KCNK2: variants seen among roughly 807,000 people sequenced by gnomAD.
KCNK2 encodes potassium channel subfamily K member 2.
In KCNK2, 21 loss-of-function variants were observed where a neutral mutation model predicts 40.5. The observed-to-expected ratio is 0.52, with a 90% CI of 0.37 to 0.75. The LOEUF (loss-of-function observed/expected upper bound fraction) is 0.75. KCNK2 is among the 30% of genes least tolerant of loss of function. The pLI, the probability that KCNK2 is intolerant of heterozygous loss-of-function variation, is 0.00. For synonymous variants in KCNK2, 191 were observed against 202.2 expected, an observed-to-expected ratio of 0.94 and a Z score of 0.47; for missense variants, 399 against 531.6, an observed-to-expected ratio of 0.75 and a Z score of 2.45.
At chr1:215,208,833 T>C (rs1395315664) in intron 6 of KCNK2, among the ~76,000 whole-genome samples, 1 of 152,004 alleles carries the variant, frequency 6.6e-6, no homozygotes, top group East Asian at 1.9e-4. Context: ...TGCCTATTCT[T>C]CTGTTTTGTT....
At chr1:215,044,795 A>ACGTGTG (rs1553257249) in intron 1 of KCNK2, among the ~76,000 whole-genome samples, 6 of 145,718 alleles carry the variant, frequency 4.1e-5, no homozygotes, top group Non-Finnish European at 6.0e-5. Context: ...GGATAAGTGT[A>ACGTGTG]TGTGTGTGTG....
chr1:215,222,264 A>C (rs1666211213), intron 6 of KCNK2, among the ~76,000 whole-genome samples: 1 of 151,640 alleles, frequency 6.6e-6, no homozygotes, highest in Non-Finnish European at 1.5e-5. Context: ...TTTACAATGC[A>C]ATCGTGTAAT....
intron 3 of KCNK2, among the ~76,000 whole-genome samples, chr1:215,168,981 T>C (rs1163536429): frequency 6.6e-6 from 1 of 152,166 alleles, no homozygotes; most frequent in Non-Finnish European, 1.5e-5. Context: ...CACAGTTTAA[T>C]TGGAATATTA....
At chr1:215,056,636 G>C (rs1231388587) in intron 1 of KCNK2, among the ~76,000 whole-genome samples, 1 of 21,624 alleles carries the variant, frequency 4.6e-5, no homozygotes, top group Non-Finnish European at 9.2e-5. Context: ...TTTTTTTTTT[G>C]GTAGTGATGG....
chr1:215,045,072 T>G (rs932486200), intron 1 of KCNK2, among the ~76,000 whole-genome samples: 2 of 151,858 alleles, frequency 1.3e-5, no homozygotes, highest in African/African-American at 4.8e-5. Context: ...AGTCCCAGCT[T>G]ACTCCTGAGG....
upstream of KCNK2, among the ~76,000 whole-genome samples, chr1:215,077,970 T>C (rs1659005604): frequency 6.6e-6 from 1 of 152,214 alleles, no homozygotes; most frequent in African/African-American, 2.4e-5. Flanking sequence ...CTCATACCTG[T>C]GCAATTGTGT....
chr1:215,069,279 G>A (rs903944554), intron 1 of KCNK2, among the ~76,000 whole-genome samples: 1 of 152,150 alleles, frequency 6.6e-6, no homozygotes, highest in African/African-American at 2.4e-5. Flanking sequence ...TCCCACATCA[G>A]GGTGTCTAGC....
At position 215,057,041 on chromosome 1, in the gene KCNK2, T is replaced by C. The variant is rs181786042; in HGVS notation, c.35-29327T>C. ...AGCTAAGAGTGAGTTTGTGTAAGTT[T>C]ATTACTTTGCCTTTTCATTCTTTTT... On this transcript the variant is annotated intron_variant, in intron 1 of 6. Coordinates refer to the KCNK2 transcript ENST00000391895. Among the ~76,000 whole-genome samples, 16 of 152,320 alleles carry C rather than the reference T, an allele frequency of 1.1e-4. No homozygotes were observed. In the East Asian group the frequency reaches 3.1e-3, roughly 29 times the overall value.
At chr1:215,013,537 C>T (rs1656481836) in intron 1 of KCNK2, among the ~76,000 whole-genome samples, 1 of 152,132 alleles carries the variant, frequency 6.6e-6, no homozygotes, top group Non-Finnish European at 1.5e-5. Context: ...CTAAACGATA[C>T]TGAGCCTTCC....
At chr1:215,229,831 G>A (rs776774217) in intron 6 of KCNK2, among the ~76,000 whole-genome samples, 3 of 151,632 alleles carry the variant, frequency 2.0e-5, no homozygotes, top group Admixed American at 6.6e-5. Flanking sequence ...AATGTAACCC[G>A]CTATAGGGTA....
intron 1 of KCNK2, among the ~76,000 whole-genome samples, chr1:215,008,347 C>A (rs987031575): frequency 2.0e-5 from 3 of 152,110 alleles, no homozygotes; most frequent in Non-Finnish European, 1.5e-5. Context: ...ATTTCTATAG[C>A]CAGAGCCATC....
At chr1:215,214,197 G>A (rs12036046) in intron 6 of KCNK2, among the ~76,000 whole-genome samples, 72,971 of 151,978 alleles carry the variant, frequency 0.48, 18,799 homozygotes, top group East Asian at 0.61. Flanking sequence ...CATGGCTGGG[G>A]AGGCCTCAGG....
At chr1:215,056,499 C>CAAAAAAA (rs376076606) in intron 1 of KCNK2, among the ~76,000 whole-genome samples, 57 of 54,994 alleles carry the variant, frequency 1.0e-3, no homozygotes, top group Non-Finnish European at 1.2e-3. Flanking sequence ...GACTCAGTCT[C>CAAAAAAA]AAAAAAAAAA....
chr1:215,232,439 C>A (rs1028579579), intron 6 of KCNK2, among the ~76,000 whole-genome samples: 12 of 152,098 alleles, frequency 7.9e-5, no homozygotes, highest in Non-Finnish European at 1.6e-4. Context: ...AGAAGAAAAA[C>A]AATTGATAGC....
At chr1:215,073,579 A>C (rs1658833446) in intron 1 of KCNK2, among the ~76,000 whole-genome samples, 1 of 152,258 alleles carries the variant, frequency 6.6e-6, no homozygotes, top group South Asian at 2.1e-4. Flanking sequence ...GGAGGCTCTA[A>C]GGAAAGAAGG....
intron 3 of KCNK2, among the ~76,000 whole-genome samples, chr1:215,140,588 A>T (rs1012567583): frequency 6.6e-6 from 1 of 152,216 alleles, no homozygotes; most frequent in Non-Finnish European, 1.5e-5. Flanking sequence ...GTATCTAAAC[A>T]TACCTAAACA....
At chr1:215,223,757 T>C (rs574164920) in intron 6 of KCNK2, among the ~76,000 whole-genome samples, 2 of 152,286 alleles carry the variant, frequency 1.3e-5, no homozygotes, top group South Asian at 4.1e-4. Flanking sequence ...CTTTTGGAGA[T>C]GGACTATTTA....
chr1:215,029,293 C>T (rs1285511436), intron 1 of KCNK2, among the ~76,000 whole-genome samples: 5 of 151,874 alleles, frequency 3.3e-5, no homozygotes, highest in Admixed American at 6.6e-5. Flanking sequence ...CCTCCCTCCC[C>T]GACCGCATGG....
At chr1:215,133,663 T>C (rs974627809) in intron 3 of KCNK2, among the ~76,000 whole-genome samples, 1 of 152,026 alleles carries the variant, frequency 6.6e-6, no homozygotes, top group Non-Finnish European at 1.5e-5. Context: ...TCTTACTTAC[T>C]CTTGGAAAAT....
Sources: gnomAD v4.1 joint callset for allele counts (sites outside exome capture counted in the v4.1 genomes callset) on GRCh38, gnomAD v4.1.1 for gene constraint, MANE v1.5 for transcripts, NCBI Gene and HGNC (gene_info 2026-07-23, HGNC 2026-07-21) for gene names.